Variants in SPDYE3 observed in about 807,000 individuals in gnomAD.
SPDYE3 encodes the protein speedy protein E3.
In SPDYE3, 15 loss-of-function variants were observed where a neutral mutation model predicts 55.0. The ratio of observed to expected loss-of-function variants is 0.27; its 90% CI spans 0.18 to 0.42. The LOEUF (loss-of-function observed/expected upper bound fraction) is 0.42, where lower values mean the gene tolerates loss of function less well. SPDYE3 is among the 10% of genes least tolerant of loss of function. The pLI is 1.00. For synonymous variants in SPDYE3, 89 were observed against 229.9 expected (o/e 0.39, Z 5.55); for missense variants, 236 against 576.7 (o/e 0.41, Z 6.05).
chr7:100,319,289 C>T (rs559958815), intron 8 of SPDYE3, among the ~76,000 whole-genome samples: 15 of 152,306 alleles, frequency 9.8e-5, no homozygotes, highest in African/African-American at 3.6e-4. Context: ...CTCAAGTGAT[C>T]CTCCTGCTTC....
intron 8 of SPDYE3, 74 bp from the exon 9 acceptor site, chr7:100,319,491 C>A: frequency 5.0e-6 from 8 of 1,609,108 alleles, no homozygotes; most frequent in Non-Finnish European, 6.8e-6. Context: ...TTACCTTCCT[C>A]TCTGGGAAGC....
Position 100,315,772 on chromosome 7 carries a change from T to C in SPDYE3, c.1202-13T>C. On this transcript the variant is annotated splice_polypyrimidine_tract_variant and intron_variant, in intron 6 of 10. Coordinates refer to ENST00000332397, the MANE Select transcript of SPDYE3 (RefSeq NM_001004351.5). ...TCCTGCTTCTCACGCTGACATCTGC[T>C]CTCTAATCACAGAGGATCCTGTCAT... 6.3e-7 allele frequency: 1 copy of C among 1,598,424 alleles called. No homozygotes were observed. The highest frequency in any genetic ancestry group is 8.5e-7 in the Non-Finnish European group (1 of 1,179,710).
chr7:100,309,498 T>C (rs1805908931), intron 2 of SPDYE3, among the ~76,000 whole-genome samples: 1 of 139,814 alleles, frequency 7.2e-6, no homozygotes, highest in African/African-American at 2.6e-5. Flanking sequence ...ACTTCGAGGC[T>C]GCAGTGAGCT....
At chr7:100,315,585 C>T (rs936154513) in intron 6 of SPDYE3, among the ~76,000 whole-genome samples, 200 bp from the exon 7 acceptor site, 4 of 152,150 alleles carry the variant, frequency 2.6e-5, no homozygotes, top group African/African-American at 4.8e-5. Context: ...GGGCCTCCTT[C>T]GGCCTCTTCT....
intron 1 of SPDYE3, 63 bp downstream of exon 1, chr7:100,308,054 G>A: frequency 2.0e-6 from 3 of 1,493,158 alleles, no homozygotes; most frequent in Non-Finnish European, 2.7e-6. Flanking sequence ...AGGGGGCCAG[G>A]TGCGGTAGCT....
chr7:100,308,029 G>A (rs1293753955), intron 1 of SPDYE3, 38 bp downstream of exon 1: 3 of 1,523,296 alleles, frequency 2.0e-6, no homozygotes, highest in Non-Finnish European at 1.8e-6. Flanking sequence ...GCATAGGATT[G>A]ACTAAGACGA....
chr7:100,320,944 T>C lies in SPDYE3; in HGVS notation c.*99T>C. On this transcript the variant is annotated 3_prime_UTR_variant, in exon 11 of 11. Transcript: ENST00000332397. ...TTCAGCAGGAACTTTATTCCAGTGC[T>C]AATGGCAGACATCAGGAAGGAGGAG... 1.6e-6 allele frequency: 2 copies of C among 1,228,686 alleles called. No homozygotes were observed. Among genetic ancestry groups the C allele is most frequent in the African/African-American group, 1.5e-5 (1 of 65,068 alleles). 76.1% of individuals were successfully genotyped at this position (1,228,686 alleles called of 1,614,324 possible).
At position 100,311,822 on chromosome 7, in the gene SPDYE3, CTGA is replaced by C. The variant is rs1196993340; in HGVS notation, c.624_626del (p.Asp208del). 6.6e-7 allele frequency: 1 copy of C among 1,510,858 alleles called. No homozygotes were observed. The highest frequency in any genetic ancestry group is 8.9e-7 in the Non-Finnish European group (1 of 1,122,904). 93.6% of individuals were successfully genotyped at this position (1,510,858 alleles called of 1,614,324 possible). ...AGGAAGAGGGAGTGTTTGGATGAAT[CTGA>C]TGATGAGCCAGAGAAGGAGCTCGCC... On this transcript the variant is annotated inframe_deletion, in exon 4 of 11. Coordinates refer to ENST00000332397, the MANE Select transcript of SPDYE3 (RefSeq NM_001004351.5).
chr7:100,315,031 T>C (rs1806064577), intron 6 of SPDYE3, among the ~76,000 whole-genome samples: 1 of 148,964 alleles, frequency 6.7e-6, no homozygotes, highest in African/African-American at 2.5e-5. Flanking sequence ...GGCAAGAGAA[T>C]TGCTTGAACT....
chr7:100,315,230 G>C (rs970553928), intron 6 of SPDYE3, among the ~76,000 whole-genome samples: 1 of 152,158 alleles, frequency 6.6e-6, no homozygotes, highest in African/African-American at 2.4e-5. Flanking sequence ...AGTGAGCCAA[G>C]ATCAGGCCAA....
chr7:100,308,111 C>T, intron 1 of SPDYE3, 120 bp downstream of exon 1: 1 of 1,310,922 alleles, frequency 7.6e-7, no homozygotes, highest in Non-Finnish European at 1.0e-6. Flanking sequence ...GGGCAGATCA[C>T]CTGAGGTCAG....
Position 100,315,523 on chromosome 7 carries a change from G to T in SPDYE3, c.1202-262G>T, listed in dbSNP as rs113387325. On this transcript the variant is annotated intron_variant, in intron 6 of 10. Transcript: ENST00000332397. Reference sequence around the variant, plus strand: ...TGCAGTGGTCCCTCCGTGTCTGCTGGAGGGGGTCCCGGCTGATTCCCAGCT... The same window carrying T: ...TGCAGTGGTCCCTCCGTGTCTGCTGTAGGGGGTCCCGGCTGATTCCCAGCT... Among the ~76,000 whole-genome samples, 21,429 of 151,888 alleles carry T rather than the reference G, an allele frequency of 0.14. 1,762 individuals are homozygous for T. Among genetic ancestry groups the T allele is most frequent in the Non-Finnish European group, 0.19 (12,611 of 67,900 alleles).
At position 100,317,704 on chromosome 7, in the gene SPDYE3, G is replaced by A. The variant is rs571747400; in HGVS notation, c.1346+549G>A. Reference sequence around the variant, plus strand: ...AAACAGGCCAGGTGCGGTGGCTCACGCCTGTAATCTCAACAGTTTGGGAGG... The same window carrying A: ...AAACAGGCCAGGTGCGGTGGCTCACACCTGTAATCTCAACAGTTTGGGAGG... On this transcript the variant is annotated intron_variant, in intron 8 of 10. Transcript: ENST00000332397. 5.3e-5 allele frequency among the ~76,000 whole-genome samples: 8 copies of A among 151,392 alleles called. No homozygotes were observed. The South Asian group carries it at 1.0e-3, about 20-fold the overall frequency.
At chr7:100,309,479 G>A (rs1443228495) in intron 2 of SPDYE3, among the ~76,000 whole-genome samples, 2 of 138,016 alleles carry the variant, frequency 1.4e-5, no homozygotes, top group Non-Finnish European at 3.2e-5. Flanking sequence ...AGGATTGCTT[G>A]AACTCAGGAC....
At chr7:100,318,732 T>G (rs1378909142) in intron 8 of SPDYE3, among the ~76,000 whole-genome samples, 1 of 148,452 alleles carries the variant, frequency 6.7e-6, no homozygotes. Flanking sequence ...TTGCTTTTTT[T>G]TTTTTTTTGA....
rs752870202 is a variant in SPDYE3, at chr7:100,315,819, C to T, written c.1236C>T (p.Asp412=). Residue 412 remains aspartate, a synonymous_variant, in exon 7 of 11, where the codon GAC becomes GAT. Coordinates refer to ENST00000332397, the MANE Select transcript of SPDYE3 (RefSeq NM_001004351.5). ...TCATTAAAAGATTCCTGGCCTGGGA[C>T]AAAGATCTGAGGGTGTCAGACAAGG... ...DPVIKRFLAW[D]KDLRVSDKYL... 3 of 1,600,234 alleles carry T rather than the reference C, an allele frequency of 1.9e-6. No individual in the cohort carries two copies. Among genetic ancestry groups the T allele is most frequent in the Non-Finnish European group, 2.5e-6 (3 of 1,179,742 alleles).
rs1805986550 is a variant in SPDYE3, at chr7:100,312,493, T to C, written c.763+525T>C. 2.1e-5 allele frequency among the ~76,000 whole-genome samples: 2 copies of C among 94,206 alleles called. 1 individual carries two copies. The highest frequency in any genetic ancestry group is 4.2e-5 in the Non-Finnish European group (2 of 47,380). 61.8% of individuals were successfully genotyped at this position (94,206 alleles called of 152,430 possible). A position where few individuals can be genotyped will look rare whatever the true frequency, so the allele number is the denominator to read the frequency against. ...GTCTGGGTGAGAGAGTGAGACGCTG[T>C]CTCAAAAAAAAAAAAAAAAAAAGAA... is the stretch of plus-strand genomic sequence containing the variant. On this transcript the variant is annotated intron_variant, in intron 4 of 10. Coordinates refer to ENST00000332397, the MANE Select transcript of SPDYE3 (RefSeq NM_001004351.5).
intron 8 of SPDYE3, among the ~76,000 whole-genome samples, chr7:100,318,646 C>G (rs1055665227): frequency 6.6e-6 from 1 of 152,062 alleles, no homozygotes; most frequent in Non-Finnish European, 1.5e-5. Flanking sequence ...TAGGTCATCT[C>G]CCCTGATTAC....
At chr7:100,320,580 GTGA>G (rs769736575) in intron 10 of SPDYE3, 2 of 986,326 alleles carry the variant, frequency 2.0e-6, no homozygotes, top group Non-Finnish European at 2.6e-6. Flanking sequence ...GACCCTAGCT[GTGA>G]TGAAGTCCAA....
Sources: allele counts gnomAD v4.1 joint callset (sites outside exome capture counted in the v4.1 genomes callset), GRCh38; gene constraint gnomAD v4.1.1; transcripts MANE v1.5; gene names NCBI Gene and HGNC (gene_info 2026-07-23, HGNC 2026-07-21).